Variants in CDH18 observed in about 807,000 individuals in gnomAD.
The protein encoded by CDH18 is cadherin-18.
A neutral mutation model predicts 67.9 loss-of-function variants in CDH18; 31 were observed. The ratio of observed to expected loss-of-function variants is 0.46; its 90% CI spans 0.34 to 0.62. The LOEUF is 0.62. Ranked by LOEUF, CDH18 falls within the 20% of genes least tolerant of loss-of-function variation. The pLI is 0.01. For synonymous variants in CDH18, 362 were observed against 347.2 expected (o/e 1.04, Z -0.48); for missense variants, 890 against 975.5 (o/e 0.91, Z 1.17).
At chr5:19,960,996 T>C (rs897778374) in intron 2 of CDH18, among the ~76,000 whole-genome samples, 4 of 149,608 alleles carry the variant, frequency 2.7e-5, no homozygotes, top group African/African-American at 9.8e-5. Context: ...GTGCAGGAGG[T>C]TTGTTTATAC....
At chr5:20,363,424 G>A (rs1742250873) in intron 1 of CDH18, among the ~76,000 whole-genome samples, 1 of 137,156 alleles carries the variant, frequency 7.3e-6, no homozygotes, top group Admixed American at 8.3e-5. Flanking sequence ...GGCAGAGGTT[G>A]CAGCGAGCTG....
chr5:20,454,052 C>G (rs1251892199), intron 1 of CDH18, among the ~76,000 whole-genome samples: 2 of 152,038 alleles, frequency 1.3e-5, no homozygotes, highest in Non-Finnish European at 2.9e-5. Flanking sequence ...TATGACAAAC[C>G]TTTTTAGGCA....
intron 8 of CDH18, among the ~76,000 whole-genome samples, chr5:19,561,085 C>T (rs575118538): frequency 4.6e-5 from 7 of 152,086 alleles, no homozygotes; most frequent in African/African-American, 7.2e-5. Context: ...ACAACCACTA[C>T]GGAAAACAGT....
chr5:20,407,002 G>A (rs73766044), intron 1 of CDH18, among the ~76,000 whole-genome samples: 16,388 of 152,122 alleles, frequency 0.11, 1,091 homozygotes, highest in East Asian at 0.25. Context: ...CTAGACCATG[G>A]GTCAAATATT....
chr5:20,487,865 A>G (rs193106868), intron 1 of CDH18, among the ~76,000 whole-genome samples: 34 of 152,256 alleles, frequency 2.2e-4, no homozygotes, highest in Non-Finnish European at 4.0e-4. Context: ...TATCACGAAG[A>G]TAAATTAGCC....
At chr5:19,626,966 A>G (rs1278095168) in intron 5 of CDH18, among the ~76,000 whole-genome samples, 1 of 152,184 alleles carries the variant, frequency 6.6e-6, no homozygotes, top group Non-Finnish European at 1.5e-5. Context: ...AAAGTAATAA[A>G]TATTGAAAAC....
At chr5:19,831,510 A>G (rs1781028783) in intron 3 of CDH18, among the ~76,000 whole-genome samples, 2 of 152,122 alleles carry the variant, frequency 1.3e-5, no homozygotes, top group African/African-American at 2.4e-5. Context: ...AATATTTATC[A>G]CCACTAATTA....
At chr5:19,978,536 A>G (rs2150355139) in intron 2 of CDH18, among the ~76,000 whole-genome samples, 1 of 152,300 alleles carries the variant, frequency 6.6e-6, no homozygotes, top group African/African-American at 2.4e-5. Context: ...GTGCTTTAAA[A>G]AAACACTAAG....
chr5:19,977,691 CT>C (rs2150352961), intron 2 of CDH18, among the ~76,000 whole-genome samples: 1 of 145,674 alleles, frequency 6.9e-6, no homozygotes, highest in East Asian at 2.1e-4. Context: ...TTAATCCATT[CT>C]TTTATTTTTT....
chr5:20,194,221 T>A (rs1373782208), intron 2 of CDH18, among the ~76,000 whole-genome samples: 2 of 152,110 alleles, frequency 1.3e-5, no homozygotes, highest in African/African-American at 2.4e-5. Flanking sequence ...GAAAACCCCA[T>A]CATCTCAGCC....
chr5:20,345,490 T>C (rs1740626132), intron 1 of CDH18, among the ~76,000 whole-genome samples: 1 of 152,156 alleles, frequency 6.6e-6, no homozygotes, highest in African/African-American at 2.4e-5. Flanking sequence ...TCCTGTTTTT[T>C]CCCTCTGTAG....
At chr5:20,313,008 A>T (rs1480075975) in intron 1 of CDH18, among the ~76,000 whole-genome samples, 2 of 152,160 alleles carry the variant, frequency 1.3e-5, no homozygotes, top group African/African-American at 4.8e-5. Flanking sequence ...AATGGTTGAG[A>T]AAATGAATTA....
At chr5:20,065,670 C>A (rs966155390) in intron 2 of CDH18, among the ~76,000 whole-genome samples, 4 of 151,824 alleles carry the variant, frequency 2.6e-5, no homozygotes, top group African/African-American at 9.7e-5. Flanking sequence ...AAACTCAAAG[C>A]CTATTTTATA....
chr5:20,382,104 T>A (rs2150101770), intron 1 of CDH18, among the ~76,000 whole-genome samples: 1 of 152,186 alleles, frequency 6.6e-6, no homozygotes, highest in African/African-American at 2.4e-5. Context: ...TGAGAGAAAA[T>A]ATTGAACATG....
intron 1 of CDH18, among the ~76,000 whole-genome samples, chr5:20,384,143 A>C (rs1744125656): frequency 6.6e-6 from 1 of 152,204 alleles, no homozygotes; most frequent in African/African-American, 2.4e-5. Context: ...TACCTACTGT[A>C]ATAACAATAC....
intron 5 of CDH18, among the ~76,000 whole-genome samples, chr5:19,698,373 A>G (rs1213789597): frequency 1.3e-5 from 2 of 152,126 alleles, no homozygotes; most frequent in Non-Finnish European, 2.9e-5. Context: ...AATACATAGA[A>G]TTATAAAATC....
intron 2 of CDH18, among the ~76,000 whole-genome samples, chr5:19,917,207 A>T (rs1258897108): frequency 6.6e-6 from 1 of 152,206 alleles, no homozygotes; most frequent in African/African-American, 2.4e-5. Context: ...GATTTTTTAA[A>T]AAAGGAAAAC....
chr5:20,542,452 T>C (rs1256450900), intron 1 of CDH18, among the ~76,000 whole-genome samples: 1 of 151,590 alleles, frequency 6.6e-6, no homozygotes, highest in Non-Finnish European at 1.5e-5. Context: ...TGTGTGTGTA[T>C]ACACATACAC....
intron 12 of CDH18, among the ~76,000 whole-genome samples, chr5:19,475,573 T>C (rs1277936891): frequency 1.3e-5 from 2 of 151,480 alleles, no homozygotes; most frequent in African/African-American, 4.9e-5. Flanking sequence ...CACATACACA[T>C]AAGGTATTAA....
Sources: allele counts gnomAD v4.1 joint callset (sites outside exome capture counted in the v4.1 genomes callset), GRCh38; gene constraint gnomAD v4.1.1; transcripts MANE v1.5; gene names NCBI Gene and HGNC (gene_info 2026-07-23, HGNC 2026-07-21).